Variants in OTOA observed in about 807,000 individuals in gnomAD.
OTOA encodes the protein otoancorin, also known as cancer/testis antigen 108.
Under a neutral mutation model 110.8 loss-of-function variants are expected in OTOA, and 70 were observed. The ratio of observed to expected loss-of-function variants is 0.63; its 90% CI spans 0.52 to 0.77. OTOA has a LOEUF of 0.77. Among genes scored for constraint, OTOA ranks in the 30% least tolerant of loss-of-function variants. OTOA has a pLI of 0.00. For missense variants in OTOA, 917 were observed against 1,075.8 expected, an observed-to-expected ratio of 0.85 and a Z score of 2.06; for synonymous variants, 373 against 431.5, an observed-to-expected ratio of 0.86 and a Z score of 1.68.
At chr16:21,717,423 A>T (rs1377661974) in intron 15 of OTOA, among the ~76,000 whole-genome samples, 1 of 152,182 alleles carries the variant, frequency 6.6e-6, no homozygotes, top group African/African-American at 2.4e-5. Context: ...TCTGGGCGAC[A>T]GAGCGAGACC....
At chr16:21,716,763 AAAT>A in intron 14 of OTOA, 141 bp from the exon 15 acceptor site, 1 of 921,076 alleles carries the variant, frequency 1.1e-6, no homozygotes, top group East Asian at 2.4e-5. Context: ...CTCACCTGTG[AAAT>A]GGGGATGATG....
chr16:21,666,464 G>A (rs1328428997), intron 1 of OTOA, among the ~76,000 whole-genome samples: 2 of 152,010 alleles, frequency 1.3e-5, no homozygotes, highest in African/African-American at 4.8e-5. Context: ...TCTGATCCAT[G>A]GGTTGACCAA....
rs1158844369 is a variant in OTOA, at chr16:21,760,586, C to T, written c.*46C>T. On this transcript the variant is annotated 3_prime_UTR_variant, in exon 29 of 29. Coordinates refer to ENST00000646100, the MANE Select transcript of OTOA (RefSeq NM_144672.4). Reference sequence around the variant, plus strand: ...TGTGTTGCCCCAAGCAGCTGGCCAACATGTGTAGAGACAGGATGCTCCAGA... The same window carrying T: ...TGTGTTGCCCCAAGCAGCTGGCCAATATGTGTAGAGACAGGATGCTCCAGA... 6 of 1,436,400 alleles carry T rather than the reference C, an allele frequency of 4.2e-6. No individual in the cohort carries two copies. Among genetic ancestry groups the T allele is most frequent in the East Asian group, 4.7e-5 (2 of 42,466 alleles). The allele number at this position is 1,436,400 out of a possible 1,614,324, so 89.0% of individuals were successfully genotyped here.
At chr16:21,698,954 T>C (rs963022503) in intron 10 of OTOA, among the ~76,000 whole-genome samples, 16 of 152,134 alleles carry the variant, frequency 1.1e-4, no homozygotes, top group African/African-American at 3.9e-4. Context: ...TATTTTATTT[T>C]ATTTGTTTAT....
intron 9 of OTOA, among the ~76,000 whole-genome samples, chr16:21,692,948 A>C (rs1276343843): frequency 6.8e-6 from 1 of 147,454 alleles, no homozygotes; most frequent in Non-Finnish European, 1.5e-5. Context: ...AAAAAAAAGA[A>C]AGAAAGAAAA....
chr16:21,738,694 G>C (rs1266368666), intron 22 of OTOA, among the ~76,000 whole-genome samples: 1 of 152,152 alleles, frequency 6.6e-6, no homozygotes, highest in Non-Finnish European at 1.5e-5. Flanking sequence ...TCATCTGCTT[G>C]TATGCTCATG....
intron 8 of OTOA, among the ~76,000 whole-genome samples, chr16:21,689,415 G>A (rs775148564): frequency 2.6e-5 from 4 of 152,008 alleles, no homozygotes; most frequent in Non-Finnish European, 4.4e-5. Flanking sequence ...TCCCTCCTCC[G>A]TTCATGCAGA....
chr16:21,675,115 T>TTC (rs1567361248), intron 1 of OTOA, among the ~76,000 whole-genome samples: 1 of 132,860 alleles, frequency 7.5e-6, no homozygotes, highest in Non-Finnish European at 1.6e-5. Flanking sequence ...CTTTCTTTCT[T>TTC]TTTCTTTCTC....
At position 21,736,390 on chromosome 16, in the gene OTOA, G is replaced by A. The variant is rs1645731571; in HGVS notation, c.2431G>A (p.Gly811Ser). ...GATCCCCAGCTATGACCCTATGCCT[G>A]GTGAGTGTTTTCAGGGTATCTGAGC... ...DKIPSYDPMPGCHGVVAPSSD... is the reference protein window; with the variant it reads ...DKIPSYDPMPSCHGVVAPSSD... Residue 811 changes from glycine (G) to serine (S), a missense_variant and splice_region_variant, in exon 22 of 29, where the codon GGT becomes AGT. Gly to Ser is a moderately conservative substitution (Grantham distance 56, BLOSUM62 0). Coordinates refer to ENST00000646100, the MANE Select transcript of OTOA (RefSeq NM_144672.4). 2 of 1,614,096 alleles carry A rather than the reference G, an allele frequency of 1.2e-6. No individual in the cohort carries two copies. Among genetic ancestry groups the A allele is most frequent in the Non-Finnish European group, 1.7e-6 (2 of 1,180,018 alleles).
intron 19 of OTOA, among the ~76,000 whole-genome samples, chr16:21,727,850 TG>T (rs1234452488): frequency 6.6e-6 from 1 of 151,056 alleles, no homozygotes; most frequent in Non-Finnish European, 1.5e-5. Context: ...TTAAGAAGTT[TG>T]GGATCGGAAC....
chr16:21,684,581 G>A, intron 6 of OTOA: 1 of 1,527,796 alleles, frequency 6.5e-7, no homozygotes, highest in Admixed American at 2.0e-5. Context: ...GAATCGGGCT[G>A]GCTGGGCCTG....
chr16:21,679,299 A>C, intron 5 of OTOA, 88 bp downstream of exon 5: 1 of 1,397,024 alleles, frequency 7.2e-7, no homozygotes, highest in Non-Finnish European at 1.0e-6. Flanking sequence ...AAAAAGTAAT[A>C]TGTGCTCATT....
intron 9 of OTOA, among the ~76,000 whole-genome samples, chr16:21,693,338 C>T (rs1054702305): frequency 3.9e-5 from 6 of 152,124 alleles, no homozygotes. Context: ...GCAATACAAA[C>T]AATTTCTCAG....
chr16:21,692,284 A>G (rs1897845895), intron 9 of OTOA, among the ~76,000 whole-genome samples: 1 of 151,738 alleles, frequency 6.6e-6, no homozygotes, highest in Admixed American at 6.6e-5. Context: ...CTGAGATTGC[A>G]CCACTGCACT....
rs538200986 is a variant in OTOA at position 21,681,079 on chromosome 16, CTA to C, written c.180-657_180-656del. Reference sequence around the variant, plus strand: ...TCCAGTTTGGAGCCCACACTCCTAACTATGCTATTCCAGCCTCTCATGGTGTA... The same window carrying C: ...TCCAGTTTGGAGCCCACACTCCTAACTGCTATTCCAGCCTCTCATGGTGTA... On this transcript the variant is annotated intron_variant, in intron 5 of 28. Transcript: ENST00000646100. 4.4e-3 allele frequency among the ~76,000 whole-genome samples: 664 copies of C among 152,282 alleles called. 2 individuals are homozygous for C. Among genetic ancestry groups the C allele is most frequent in the Non-Finnish European group, 7.4e-3 (505 of 68,026 alleles).
intron 12 of OTOA, chr16:21,705,536 G>A (rs1256668563): frequency 1.9e-5 from 11 of 568,706 alleles, no homozygotes; most frequent in African/African-American, 1.3e-4. Context: ...TCAGCCAGGC[G>A]CGGTGGCTCA....
intron 12 of OTOA, among the ~76,000 whole-genome samples, chr16:21,707,604 T>TC (rs1428150872): frequency 1.3e-5 from 1 of 77,704 alleles, no homozygotes; most frequent in Admixed American, 1.4e-4. Flanking sequence ...TTTCTTTCTT[T>TC]CTTTCTTTCT....
intron 7 of OTOA, among the ~76,000 whole-genome samples, chr16:21,686,328 A>T (rs1897711553): frequency 6.6e-6 from 1 of 151,440 alleles, no homozygotes; most frequent in Admixed American, 6.6e-5. Context: ...TTGCTCTGTC[A>T]TCCAGGCTGG....
At chr16:21,706,292 C>T (rs1013404738) in intron 12 of OTOA, among the ~76,000 whole-genome samples, 3 of 152,140 alleles carry the variant, frequency 2.0e-5, no homozygotes, top group African/African-American at 7.2e-5. Context: ...GCCCAGCTGA[C>T]GCTGCACTTC....
Sources: allele counts gnomAD v4.1 joint callset (sites outside exome capture counted in the v4.1 genomes callset), GRCh38; gene constraint gnomAD v4.1.1; transcripts MANE v1.5; gene names NCBI Gene and HGNC (gene_info 2026-07-23, HGNC 2026-07-21).